The following ITGAV variants were observed in gnomAD, a reference collection of about 807,000 sequenced individuals.
The protein encoded by ITGAV is integrin subunit alpha V.
Under a neutral mutation model 143.8 loss-of-function variants are expected in ITGAV, and 76 were observed. The ratio of observed to expected loss-of-function variants is 0.53; its 90% CI spans 0.44 to 0.64. ITGAV has a LOEUF of 0.64. Ranked by LOEUF, ITGAV falls within the 30% of genes least tolerant of loss-of-function variation. The pLI, the probability that ITGAV is intolerant of heterozygous loss-of-function variation, is 0.00. For synonymous variants in ITGAV, 453 were observed against 446.7 expected (o/e 1.01, Z -0.18); for missense variants, 1,193 against 1,274.7 (o/e 0.94, Z 0.98).
chr2:186,647,344 T>C (rs1688291320), intron 13 of ITGAV, among the ~76,000 whole-genome samples: 1 of 151,654 alleles, frequency 6.6e-6, no homozygotes, highest in South Asian at 2.1e-4. Flanking sequence ...CAAGCCATCC[T>C]CCCACCTCAG....
intron 2 of ITGAV, among the ~76,000 whole-genome samples, chr2:186,616,911 A>G (rs1377150651): frequency 4.0e-5 from 6 of 151,808 alleles, no homozygotes; most frequent in African/African-American, 1.5e-4. Context: ...TTTTCAAGCA[A>G]ATTTGTTATA....
chr2:186,592,389 T>C (rs1332087959), intron 1 of ITGAV, among the ~76,000 whole-genome samples: 1 of 152,154 alleles, frequency 6.6e-6, no homozygotes, highest in African/African-American at 2.4e-5. Context: ...ATGGAGATTG[T>C]GCCACCACAC....
chr2:186,652,029 G>C lies in ITGAV; in HGVS notation c.1445G>C (p.Ser482Thr). Residue 482 changes from serine (S) to threonine (T), a missense_variant, in exon 15 of 30, where the codon AGC (serine) becomes ACC (threonine). Ser to Thr is a moderately conservative substitution (Grantham distance 58, BLOSUM62 1). Coordinates refer to ENST00000261023, the MANE Select transcript of ITGAV (RefSeq NM_002210.5). Reference sequence around the variant, plus strand: ...AATGCTGGTCTTGAAGTGTACCCTAGCATTTTAAATCAAGACAATAAAACC... The same window carrying C: ...AATGCTGGTCTTGAAGTGTACCCTACCATTTTAAATCAAGACAATAAAACC... ...TVNAGLEVYPSILNQDNKTCS... is the reference protein window; with the variant it reads ...TVNAGLEVYPTILNQDNKTCS... 1 of 1,613,758 alleles carries C rather than the reference G, an allele frequency of 6.2e-7. No homozygotes were observed. The highest frequency in any genetic ancestry group is 8.5e-7 in the Non-Finnish European group (1 of 1,179,764).
Position 186,659,169 on chromosome 2 carries a change from T to C in ITGAV, c.1851T>C (p.Ser617=). The change falls in exon 18 of 30, where the codon AGT becomes AGC. Residue 617 remains serine (S), a synonymous_variant. Coordinates refer to ENST00000261023, the MANE Select transcript of ITGAV (RefSeq NM_002210.5). ...ILNQFTPANI[S]RQAHILLDCG... ...ACCAGTTCACGCCTGCTAACATTAG[T>C]CGACAGGTACTGTACTCAGTTTACC... The C allele has an allele frequency of 6.2e-7, 1 of 1,605,854 alleles. No homozygotes were observed. The highest frequency in any genetic ancestry group is 8.5e-7 in the Non-Finnish European group (1 of 1,176,048).
rs1689285378 is a variant in ITGAV, at chr2:186,678,968, G to A, written c.*1676G>A. On this transcript the variant is annotated 3_prime_UTR_variant, in exon 30 of 30. Coordinates refer to ENST00000261023, the MANE Select transcript of ITGAV (RefSeq NM_002210.5). Reference sequence around the variant, plus strand: ...ACATTTAGTTGAGGTATACAAGGTAGGACTCTAGACAAAACCTTCTATTTT... The same window carrying A: ...ACATTTAGTTGAGGTATACAAGGTAAGACTCTAGACAAAACCTTCTATTTT... 3.2e-6 allele frequency: 1 copy of A among 311,920 alleles called. No homozygotes were observed. 19.3% of individuals were successfully genotyped at this position (311,920 alleles called of 1,614,324 possible).
chr2:186,605,699 T>C (rs1198161661), intron 2 of ITGAV, among the ~76,000 whole-genome samples: 1 of 150,672 alleles, frequency 6.6e-6, no homozygotes, highest in African/African-American at 2.4e-5. Context: ...GGTTTTTATA[T>C]AGTAAGGAAA....
At chr2:186,662,155 A>C (rs2047906391) in intron 18 of ITGAV, among the ~76,000 whole-genome samples, 4 of 152,204 alleles carry the variant, frequency 2.6e-5, no homozygotes, top group Non-Finnish European at 5.9e-5. Context: ...TACTCATCTA[A>C]CATTCTAACT....
At chr2:186,600,556 A>G (rs947475810) in intron 1 of ITGAV, among the ~76,000 whole-genome samples, 4 of 152,156 alleles carry the variant, frequency 2.6e-5, no homozygotes, top group African/African-American at 9.7e-5. Context: ...CCTATTCCCA[A>G]AAATCTCTCT....
At chr2:186,625,678 T>TGTGTGTGAA in intron 4 of ITGAV, 91 bp downstream of exon 4, 1 of 412,354 alleles carries the variant, frequency 2.4e-6, no homozygotes, top group South Asian at 4.8e-5. Context: ...TGTGTGTGTG[T>TGTGTGTGAA]GAGAGAGAGA....
chr2:186,637,057 C>G lies in ITGAV; in HGVS notation c.758-8C>G, dbSNP rs1262403046. 6.2e-7 allele frequency: 1 copy of G among 1,612,942 alleles called. No individual in the cohort carries two copies. The highest frequency in any genetic ancestry group is 1.7e-5 in the Admixed American group (1 of 60,010). On this transcript the variant is annotated splice_polypyrimidine_tract_variant and splice_region_variant and intron_variant, in intron 7 of 29. Transcript: ENST00000261023. ...CCTGATGGTTCTCCCCTTTGGTTTCCTGTTTAGGTTATTCTGTGGCTGTCG... is the reference window on the plus strand; with the variant it reads ...CCTGATGGTTCTCCCCTTTGGTTTCGTGTTTAGGTTATTCTGTGGCTGTCG...
intron 10 of ITGAV, among the ~76,000 whole-genome samples, chr2:186,638,739 TATC>T (rs1209020821): frequency 6.6e-6 from 1 of 151,908 alleles, no homozygotes; most frequent in Non-Finnish European, 1.5e-5. Flanking sequence ...CTCAATATTT[TATC>T]ATCAGAGTTT....
In ITGAV at chr2:186,625,820, A is replaced by G. The variant is rs77262758; in HGVS notation, c.523+233A>G. On this transcript the variant is annotated intron_variant, in intron 4 of 29. Coordinates refer to ENST00000261023, the MANE Select transcript of ITGAV (RefSeq NM_002210.5). ...CTCATTTTCATCTTCCTTCGTTAGT[A>G]TAATAATAGTTACTACCTGATTTTA... Among the ~76,000 whole-genome samples, 835 of 152,278 alleles carry G rather than the reference A, an allele frequency of 5.5e-3. 22 individuals carry two copies. The highest frequency in any genetic ancestry group is 0.043 in the East Asian group (222 of 5,188).
intron 1 of ITGAV, among the ~76,000 whole-genome samples, chr2:186,599,650 G>T (rs998022724): frequency 3.3e-5 from 5 of 152,090 alleles, no homozygotes; most frequent in Non-Finnish European, 7.4e-5. Context: ...GACCACAGGC[G>T]CATGCCACCA....
chr2:186,617,089 A>G (rs1196167657), intron 2 of ITGAV, among the ~76,000 whole-genome samples: 1 of 151,554 alleles, frequency 6.6e-6, no homozygotes, highest in Non-Finnish European at 1.5e-5. Flanking sequence ...TTCATTATTC[A>G]TAAAAGTCAT....
intron 15 of ITGAV, among the ~76,000 whole-genome samples, chr2:186,653,241 G>A (rs1457829941): frequency 6.6e-6 from 1 of 151,938 alleles, no homozygotes; most frequent in Non-Finnish European, 1.5e-5. Context: ...AAGTTGTCTC[G>A]TGCTTTACTT....
Position 186,590,534 on chromosome 2 carries a change from G to T in ITGAV, c.185+11G>T. 4 of 1,608,670 alleles carry T rather than the reference G, an allele frequency of 2.5e-6. No homozygotes were observed. Among genetic ancestry groups the T allele is most frequent in the Non-Finnish European group, 3.4e-6 (4 of 1,177,988 alleles). Reference sequence around the variant, plus strand: ...GCCCAGCGCGTCTTCGTAAGTGGCCGCACTTGGAACTGGAGCCGGCCCCCT... The same window carrying T: ...GCCCAGCGCGTCTTCGTAAGTGGCCTCACTTGGAACTGGAGCCGGCCCCCT... On this transcript the variant is annotated intron_variant, in intron 1 of 29. Transcript: ENST00000261023.
chr2:186,664,364 A>G (rs1688828319), intron 19 of ITGAV, 130 bp from the exon 20 acceptor site: 1 of 818,286 alleles, frequency 1.2e-6, no homozygotes, highest in South Asian at 1.9e-5. Flanking sequence ...GCTGTGAAGT[A>G]GTCTTAAAAT....
At chr2:186,598,206 A>G (rs903241553) in intron 1 of ITGAV, among the ~76,000 whole-genome samples, 2 of 151,954 alleles carry the variant, frequency 1.3e-5, no homozygotes, top group African/African-American at 4.8e-5. Flanking sequence ...AATTCTGATG[A>G]AAAGGGGTAG....
chr2:186,676,733 T>C, intron 28 of ITGAV, 80 bp from the exon 29 acceptor site: 1 of 1,402,718 alleles, frequency 7.1e-7, no homozygotes, highest in East Asian at 2.5e-5. Flanking sequence ...TCCATTAAAA[T>C]AAAATATAAT....
Sources: gnomAD v4.1 joint callset for allele counts (sites outside exome capture counted in the v4.1 genomes callset) on GRCh38, gnomAD v4.1.1 for gene constraint, MANE v1.5 for transcripts, NCBI Gene and HGNC (gene_info 2026-07-23, HGNC 2026-07-21) for gene names.